The following ILDR1 variants were observed in gnomAD, a reference collection of about 807,000 sequenced individuals.
ILDR1 encodes the protein immunoglobulin-like domain-containing receptor 1.
In ILDR1, 56 loss-of-function variants were observed where a neutral mutation model predicts 62.4. The ratio of observed to expected loss-of-function variants is 0.90; its 90% CI spans 0.72 to 1.12. The LOEUF is 1.12. Among genes scored for constraint, ILDR1 ranks in the 50% most tolerant of loss-of-function variants. The pLI is 0.00. For missense variants in ILDR1, 736 were observed against 710.6 expected (o/e 1.04, Z -0.41); for synonymous variants, 284 against 277.8 (o/e 1.02, Z -0.22).
At chr3:122,042,087 C>A in the ILDR1 span, among the ~76,000 whole-genome samples, 1 of 103,488 alleles carries the variant, frequency 9.7e-6, no homozygotes, top group African/African-American at 3.8e-5. Flanking sequence ...CCACCACAGT[C>A]CCCAGAGTGT....
chr3:122,022,176 C>G lies in ILDR1; in HGVS notation c.-99G>C. On this transcript the variant is annotated 5_prime_UTR_variant, in exon 1 of 8. Coordinates refer to ENST00000344209, the MANE Select transcript of ILDR1 (RefSeq NM_001199799.2). ...AGGACGCACCACCTTCTCCAAGGAA[C>G]CCCTCGGGTTTCCCCTCCCTCGGCG... 1 of 1,081,630 alleles carries G rather than the reference C, an allele frequency of 9.2e-7. No individual in the cohort carries two copies. The highest frequency in any genetic ancestry group is 1.4e-5 in the South Asian group (1 of 69,514). 67.0% of individuals were successfully genotyped at this position (1,081,630 alleles called of 1,614,324 possible). A position where few individuals can be genotyped will look rare whatever the true frequency, so the allele number is the denominator to read the frequency against.
chr3:122,022,162 C>T lies in ILDR1; in HGVS notation c.-85G>A. On this transcript the variant is annotated 5_prime_UTR_variant, in exon 1 of 8. The change creates a new upstream start codon in the 5' untranslated region. Transcript: ENST00000344209. ...TCAGCTGCCGCCCCAGGACGCACCACCTTCTCCAAGGAACCCCTCGGGTTT... is the reference window on the plus strand; with the variant it reads ...TCAGCTGCCGCCCCAGGACGCACCATCTTCTCCAAGGAACCCCTCGGGTTT... The T allele has an allele frequency of 8.2e-7, 1 of 1,225,718 alleles. No homozygotes were observed. The highest frequency in any genetic ancestry group is 1.2e-6 in the Non-Finnish European group (1 of 863,942). The allele number at this position is 1,225,718 out of a possible 1,614,324, so 75.9% of individuals were successfully genotyped here. A position where few individuals can be genotyped will look rare whatever the true frequency, so the allele number is the denominator to read the frequency against.
the ILDR1 span, among the ~76,000 whole-genome samples, chr3:122,027,890 A>T: frequency 1.8e-4 from 28 of 152,168 alleles, no homozygotes; most frequent in African/African-American, 5.8e-4. Context: ...CATAGGTGAT[A>T]ACCTTGACTC....
intron 5 of ILDR1, among the ~76,000 whole-genome samples, chr3:121,995,705 G>A (rs1193018932): frequency 6.6e-6 from 1 of 152,154 alleles, no homozygotes; most frequent in African/African-American, 2.4e-5. Context: ...CCTCTGCAGA[G>A]ATGCCTCTCC....
the ILDR1 span, among the ~76,000 whole-genome samples, chr3:122,050,637 TTTG>T: frequency 2.4e-4 from 4 of 16,392 alleles, no homozygotes; most frequent in Non-Finnish European, 9.7e-4. Context: ...CTTCTATGCT[TTTG>T]TTTTTTTTAA....
chr3:122,041,873 T>C, the ILDR1 span, among the ~76,000 whole-genome samples: 1 of 151,884 alleles, frequency 6.6e-6, no homozygotes, highest in African/African-American at 2.4e-5. Context: ...TAATGTTACT[T>C]CTTCCTTTCC....
Position 122,001,411 on chromosome 3 carries a change from G to C in ILDR1, c.543C>G (p.Leu181=), listed in dbSNP as rs1191625245. 1 of 1,614,048 alleles carries C rather than the reference G, an allele frequency of 6.2e-7. No homozygotes were observed. The highest frequency in any genetic ancestry group is 2.2e-5 in the East Asian group (1 of 44,882). Residue 181 remains leucine (L), a synonymous_variant, in exon 5 of 8, where the codon CTC becomes CTG. Coordinates refer to ENST00000344209, the MANE Select transcript of ILDR1 (RefSeq NM_001199799.2). The stretch of plus-strand genomic sequence containing the variant: ...ACCAGCACACTCCAATCAGCAGCAG[G>C]AGGAGGAGGGCTCCCAGGATGATGA... ...VIFIILGALL[L]LLLIGVCWCQ... is the part of the protein sequence containing the mutation.
intron 5 of ILDR1, among the ~76,000 whole-genome samples, chr3:121,995,239 C>T (rs902103253): frequency 3.9e-5 from 6 of 152,212 alleles, no homozygotes; most frequent in East Asian, 1.9e-4. Flanking sequence ...TGCCTATCCA[C>T]GCGTGTTGGA....
chr3:122,046,386 A>T, the ILDR1 span, among the ~76,000 whole-genome samples: 1 of 150,470 alleles, frequency 6.6e-6, no homozygotes, highest in African/African-American at 2.4e-5. Flanking sequence ...TGAATCTGAC[A>T]ATTATGTGTC....
In ILDR1 at chr3:121,993,204, A is replaced by C. The variant is rs2877561; in HGVS notation, c.1545T>G (p.Leu515=). Reference sequence around the variant, plus strand: ...TGCTATTCTTGCCTGGAGTGATATCAAGTGAGCGGTAGCTAGGCGGCTTCT... The same window carrying C: ...TGCTATTCTTGCCTGGAGTGATATCCAGTGAGCGGTAGCTAGGCGGCTTCT... ...PEEKPPSYRS[L]DITPGKNSRK... The change falls in exon 7 of 8, where the codon CTT becomes CTG. Residue 515 remains leucine, a synonymous_variant. Transcript: ENST00000344209. The C allele has an allele frequency of 0.73, 1,179,190 of 1,612,864 alleles. 433,612 individuals are homozygous for C. The highest frequency in any genetic ancestry group is 0.94 in the East Asian group (42,003 of 44,854).
chr3:121,998,993 T>C (rs2071478112), intron 5 of ILDR1, among the ~76,000 whole-genome samples: 1 of 152,290 alleles, frequency 6.6e-6, no homozygotes, highest in Admixed American at 6.5e-5. Flanking sequence ...AAGAGATGAC[T>C]TCTGCCTTCT....
chr3:121,995,895 C>A (rs1336344726), intron 5 of ILDR1, among the ~76,000 whole-genome samples: 1 of 152,224 alleles, frequency 6.6e-6, no homozygotes, highest in Non-Finnish European at 1.5e-5. Context: ...TAGCGACTGG[C>A]AGAGCCAGGG....
At chr3:121,991,568 A>G (rs2071347915) in intron 7 of ILDR1, among the ~76,000 whole-genome samples, 2 of 152,266 alleles carry the variant, frequency 1.3e-5, no homozygotes, top group East Asian at 3.8e-4. Context: ...GTGAGGATTA[A>G]GTAAGATGTT....
intron 3 of ILDR1, among the ~76,000 whole-genome samples, chr3:122,002,347 C>G (rs2071541494): frequency 6.6e-6 from 1 of 152,162 alleles, no homozygotes; most frequent in South Asian, 2.1e-4. Context: ...CTCTCTGCCT[C>G]AAAGCTGGTA....
chr3:122,028,173 GA>G, the ILDR1 span, among the ~76,000 whole-genome samples: 3,769 of 143,516 alleles, frequency 0.026, 144 homozygotes, highest in African/African-American at 0.085. Context: ...TAAAAATACG[GA>G]AAAAAAAAAA....
chr3:121,993,988 C>T lies in ILDR1; in HGVS notation c.779-18G>A. 1 of 1,602,576 alleles carries T rather than the reference C, an allele frequency of 6.2e-7. No individual in the cohort carries two copies. The highest frequency in any genetic ancestry group is 8.5e-7 in the Non-Finnish European group (1 of 1,177,842). On this transcript the variant is annotated intron_variant, in intron 6 of 7. Transcript: ENST00000344209. ...GGACAAATCTGAATGGAAACAAGGA[C>T]AGGACAATAGAACAAATGGCCCAAA...
chr3:121,989,597 G>C (rs867365267), intron 7 of ILDR1, among the ~76,000 whole-genome samples: 1 of 152,224 alleles, frequency 6.6e-6, no homozygotes, highest in East Asian at 1.9e-4. Flanking sequence ...GAGTCCAGGA[G>C]CCTGGGCCAC....
chr3:122,007,186 G>T lies in ILDR1; in HGVS notation c.59-25C>A, dbSNP rs751527472. 7 of 1,613,972 alleles carry T rather than the reference G, an allele frequency of 4.3e-6. No homozygotes were observed. In the African/African-American group the frequency reaches 9.3e-5, roughly 22 times the overall value. ...CCTAAAGCCAAGAGCAGGAGAAAAT[G>T]CTGAAGGTGACCTACTCTGCTCATG... On this transcript the variant is annotated intron_variant, in intron 1 of 7. Coordinates refer to ENST00000344209, the MANE Select transcript of ILDR1 (RefSeq NM_001199799.2).
intron 6 of ILDR1, 37 bp downstream of exon 6, chr3:121,994,145 C>G: frequency 1.3e-6 from 2 of 1,533,260 alleles, no homozygotes; most frequent in Non-Finnish European, 1.7e-6. Flanking sequence ...CCCTTGCCCT[C>G]TGCCCTCCCC....
Sources: allele counts gnomAD v4.1 joint callset (sites outside exome capture counted in the v4.1 genomes callset), GRCh38; gene constraint gnomAD v4.1.1; transcripts MANE v1.5; gene names NCBI Gene and HGNC (gene_info 2026-07-23, HGNC 2026-07-21).